Variants in KALRN observed in about 807,000 individuals in gnomAD.
KALRN encodes the protein kalirin RhoGEF kinase, also known as kalirin.
In KALRN, 70 loss-of-function variants were observed where a neutral mutation model predicts 353.7. The observed-to-expected ratio is 0.20, with a 90% CI of 0.16 to 0.24. KALRN has a LOEUF of 0.24. KALRN is among the 10% of genes least tolerant of loss of function. The pLI is 1.00. For synonymous variants in KALRN, 1,391 were observed against 1,434.8 expected, an observed-to-expected ratio of 0.97 and a Z score of 0.69; for missense variants, 2,791 against 3,756.7, an observed-to-expected ratio of 0.74 and a Z score of 6.72.
At chr3:124,081,315 G>T (rs1354433914) in intron 1 of KALRN, among the ~76,000 whole-genome samples, 3 of 152,164 alleles carry the variant, frequency 2.0e-5, no homozygotes, top group Admixed American at 2.0e-4. Context: ...GAAAAAATAA[G>T]CTGTCCACTC....
intron 36 of KALRN, among the ~76,000 whole-genome samples, chr3:124,636,018 A>G (rs1210046210): frequency 6.6e-6 from 1 of 152,184 alleles, no homozygotes; most frequent in East Asian, 1.9e-4. Context: ...TTACTAGATT[A>G]AAAAGAGGAT....
chr3:124,241,194 C>T (rs923543267), intron 3 of KALRN, among the ~76,000 whole-genome samples: 1 of 152,116 alleles, frequency 6.6e-6, no homozygotes, highest in African/African-American at 2.4e-5. Context: ...TATGTTTATC[C>T]TTCTTTTGCT....
At position 124,439,200 on chromosome 3, in the gene KALRN, T is replaced by TTACACACACACA. The variant is rs1395318707; in HGVS notation, c.3198+163_3198+164insTACACACACACA. 2.3e-3 allele frequency among the ~76,000 whole-genome samples: 227 copies of TTACACACACACA among 98,958 alleles called. 4 individuals carry two copies. Among genetic ancestry groups the TTACACACACACA allele is most frequent in the East Asian group, 0.015 (41 of 2,766 alleles). The allele number at this position is 98,958 out of a possible 152,430, so 64.9% of individuals were successfully genotyped here. ...TCCTTCTTCTCCTTCTCTCTCTCTC[T>TTACACACACACA]CACACACACACACACACACACACAC... On this transcript the variant is annotated intron_variant, in intron 18 of 59. Transcript: ENST00000682506.
rs530363793 is a variant in KALRN, at chr3:124,652,271, A to G, written c.5795+1333A>G. Among the ~76,000 whole-genome samples the G allele has an allele frequency of 4.6e-5, 7 of 152,384 alleles. No homozygotes were observed. In the East Asian group the frequency reaches 1.3e-3, roughly 29 times the overall value. On this transcript the variant is annotated intron_variant, in intron 38 of 59. Transcript: ENST00000682506. ...GAAGGCCTGGTTTGAAAGCAGGGCT[A>G]TCACTTCATAGTGGAGATGAACAAG...
intron 33 of KALRN, among the ~76,000 whole-genome samples, chr3:124,554,215 G>A (rs2070920919): frequency 6.6e-6 from 1 of 152,228 alleles, no homozygotes; most frequent in African/African-American, 2.4e-5. Flanking sequence ...AATTAGCCAG[G>A]TTTGGTGGCA....
intron 1 of KALRN, chr3:124,162,714 T>C (rs1413322715): frequency 2.0e-5 from 3 of 152,278 alleles, no homozygotes; most frequent in African/African-American, 7.2e-5. Context: ...CTTAGCAAAA[T>C]GGAAGCTCCT....
At chr3:124,182,532 A>T (rs1560168264) in intron 1 of KALRN, among the ~76,000 whole-genome samples, 1 of 152,232 alleles carries the variant, frequency 6.6e-6, no homozygotes, top group African/African-American at 2.4e-5. Context: ...CTCTGGCAAG[A>T]TGGAAGCCAC....
At chr3:124,307,238 G>A (rs1480081712) in intron 6 of KALRN, among the ~76,000 whole-genome samples, 3 of 152,080 alleles carry the variant, frequency 2.0e-5, no homozygotes, top group South Asian at 2.1e-4. Flanking sequence ...CACAAAGGAG[G>A]TTGGTAGGAG....
intron 10 of KALRN, among the ~76,000 whole-genome samples, chr3:124,368,423 G>T (rs2085314622): frequency 6.7e-6 from 1 of 150,106 alleles, no homozygotes; most frequent in Non-Finnish European, 1.5e-5. Context: ...CATCCCAGAT[G>T]GGGCGGCGGG....
intron 13 of KALRN, among the ~76,000 whole-genome samples, chr3:124,407,381 A>G (rs569368464): frequency 6.6e-6 from 1 of 151,188 alleles, no homozygotes; most frequent in South Asian, 2.1e-4. Context: ...ATTCTTTCTC[A>G]TTGTTTCTCT....
At chr3:124,177,524 A>T (rs2072958438) in intron 1 of KALRN, among the ~76,000 whole-genome samples, 1 of 152,210 alleles carries the variant, frequency 6.6e-6, no homozygotes, top group African/African-American at 2.4e-5. Context: ...GAAGCCCTGC[A>T]GTAGTAGTTG....
intron 10 of KALRN, among the ~76,000 whole-genome samples, chr3:124,381,381 C>A (rs771092115): frequency 2.0e-5 from 3 of 152,114 alleles, no homozygotes; most frequent in Non-Finnish European, 4.4e-5. Flanking sequence ...GAAAAAGTGT[C>A]AGGTGAAGAA....
intron 1 of KALRN, among the ~76,000 whole-genome samples, chr3:124,203,970 G>A (rs2076178047): frequency 6.6e-6 from 1 of 152,192 alleles, no homozygotes; most frequent in South Asian, 2.1e-4. Flanking sequence ...TTTCAAATAT[G>A]TGAGTTCCAT....
intron 1 of KALRN, among the ~76,000 whole-genome samples, chr3:124,112,952 G>A (rs893853746): frequency 5.3e-5 from 8 of 152,200 alleles, no homozygotes; most frequent in South Asian, 2.1e-4. Context: ...CCTCCATGCC[G>A]TTTCATTCTT....
intron 36 of KALRN, among the ~76,000 whole-genome samples, chr3:124,636,720 CATA>C (rs67744230): frequency 0.25 from 37,752 of 151,844 alleles, 4,842 homozygotes; most frequent in East Asian, 0.42. Context: ...TTGCTGGACA[CATA>C]ATAAAGATCT....
At chr3:124,651,491 T>C (rs1406936662) in intron 38 of KALRN, among the ~76,000 whole-genome samples, 2 of 152,192 alleles carry the variant, frequency 1.3e-5, no homozygotes, top group Non-Finnish European at 2.9e-5. Flanking sequence ...ATAAAATTCA[T>C]AATGCAGAAC....
intron 12 of KALRN, among the ~76,000 whole-genome samples, chr3:124,396,158 C>G (rs1217113308): frequency 6.6e-6 from 1 of 152,162 alleles, no homozygotes; most frequent in African/African-American, 2.4e-5. Context: ...CCCAAAATCA[C>G]TGAGTGCTGG....
intron 11 of KALRN, among the ~76,000 whole-genome samples, chr3:124,387,930 C>T (rs1306553028): frequency 6.6e-6 from 1 of 152,068 alleles, no homozygotes; most frequent in Non-Finnish European, 1.5e-5. Flanking sequence ...CCCATCCAAA[C>T]CAGTCTGTAT....
At chr3:124,092,619 A>G (rs945187573) in intron 1 of KALRN, among the ~76,000 whole-genome samples, 1 of 152,294 alleles carries the variant, frequency 6.6e-6, no homozygotes, top group African/African-American at 2.4e-5. Context: ...CCCTACTGTG[A>G]GGGCTCCCGT....
Sources: allele counts gnomAD v4.1 joint callset (sites outside exome capture counted in the v4.1 genomes callset), GRCh38; gene constraint gnomAD v4.1.1; transcripts MANE v1.5; gene names NCBI Gene and HGNC (gene_info 2026-07-23, HGNC 2026-07-21).